STRA8: variants seen among roughly 807,000 people sequenced by gnomAD.
STRA8 encodes the protein stimulated by retinoic acid gene 8 protein homolog.
Under a neutral mutation model 37.1 loss-of-function variants are expected in STRA8, and 18 were observed. That is an observed-to-expected ratio of 0.48 (90% confidence interval 0.34 to 0.72). The LOEUF is 0.72. Among genes scored for constraint, STRA8 ranks in the 30% least tolerant of loss-of-function variants. The pLI, the probability that STRA8 is intolerant of heterozygous loss-of-function variation, is 0.01. For synonymous variants in STRA8, 168 were observed against 162.9 expected (o/e 1.03, Z -0.24); for missense variants, 357 against 410.4 (o/e 0.87, Z 1.13).
At chr7:135,245,257 A>C (rs1347809687) in intron 4 of STRA8, 31 bp from the exon 5 acceptor site, 1 of 780,812 alleles carries the variant, frequency 1.3e-6, no homozygotes, top group Non-Finnish European at 2.4e-6. Context: ...ATATTAATCT[A>C]TAGTTGTCTT....
chr7:135,233,293 C>T (rs1205920480), upstream of STRA8, among the ~76,000 whole-genome samples: 1 of 152,124 alleles, frequency 6.6e-6, no homozygotes, highest in East Asian at 1.9e-4. Context: ...TCCTCTATTT[C>T]TTCCTGCCTT....
chr7:135,242,769 G>C lies in STRA8; in HGVS notation c.193-12G>C. 1 of 1,614,022 alleles carries C rather than the reference G, an allele frequency of 6.2e-7. No individual in the cohort carries two copies. The highest frequency in any genetic ancestry group is 1.1e-5 in the South Asian group (1 of 91,068). ...GAGGCTGGCTTTCAGCATTGTCTCT[G>C]TCTATCCTCAGTGGCAGGTTCTGAA... On this transcript the variant is annotated splice_polypyrimidine_tract_variant and intron_variant, in intron 2 of 8. Transcript: ENST00000662584.
At position 135,255,208 on chromosome 7, in the gene STRA8, A is replaced by G. The variant is rs754376309; in HGVS notation, c.1048A>G (p.Asn350Asp). ...CTTTTTTAAAGGCCTTAGCTGTGCA[A>G]ACACTCAAGTAAAGCAGGTAGGATG... Reference protein sequence around the residue: ...INFFKGLSCANTQVKQEASFP... With the variant: ...INFFKGLSCADTQVKQEASFP... The change falls in exon 8 of 9, where the codon AAC (asparagine) becomes GAC (aspartate). Residue 350 changes from asparagine (N) to aspartate (D), a missense_variant. By Grantham distance (23) the Asn-to-Asp change is conservative (BLOSUM62 1). Coordinates refer to ENST00000662584, the MANE Select transcript of STRA8 (RefSeq NM_001394401.1). The G allele has an allele frequency of 1.9e-6, 3 of 1,613,712 alleles. No individual in the cohort carries two copies. The South Asian group carries it at 3.3e-5, about 18-fold the overall frequency.
At position 135,243,339 on chromosome 7, in the gene STRA8, G is replaced by A; in HGVS notation, c.282G>A (p.Leu94=). The A allele has an allele frequency of 6.2e-7, 1 of 1,614,126 alleles. No individual in the cohort carries two copies. The highest frequency in any genetic ancestry group is 1.3e-5 in the African/African-American group (1 of 75,040). ...NLLKLKASFN[L]EDGHASSLEE... ...ACTCCCCAATAGCATCCTTCAACCTGGAAGATGGGCATGCAAGCAGCTTAG... is the reference window on the plus strand; with the variant it reads ...ACTCCCCAATAGCATCCTTCAACCTAGAAGATGGGCATGCAAGCAGCTTAG... The change falls in exon 4 of 9, where the codon CTG becomes CTA. Residue 94 remains leucine, a synonymous_variant. Transcript: ENST00000662584.
At chr7:135,235,762 A>G (rs528259177) in intron 1 of STRA8, among the ~76,000 whole-genome samples, 79 of 152,326 alleles carry the variant, frequency 5.2e-4, no homozygotes, top group Admixed American at 1.0e-3. Context: ...TTTTAAAAAT[A>G]AAAACGTTCA....
intron 7 of STRA8, among the ~76,000 whole-genome samples, chr7:135,253,381 A>G (rs1321383897): frequency 6.6e-6 from 1 of 152,128 alleles, no homozygotes; most frequent in African/African-American, 2.4e-5. Flanking sequence ...AACACAATCC[A>G]TCGGTCTCTA....
At chr7:135,232,443 G>T (rs1356911559), upstream of STRA8, among the ~76,000 whole-genome samples, 1 of 151,940 alleles carries the variant, frequency 6.6e-6, no homozygotes, top group African/African-American at 2.4e-5. Flanking sequence ...GGAGTGAAAT[G>T]AACATTTTAA....
rs369751024 is a variant in STRA8, at chr7:135,245,432, A to G, written c.498A>G (p.Glu166=). The part of the protein sequence containing the change: ...EEEEEEEEEE[E]EEEEEEEEEE... ...AGGAAGAAGAAGAGGAGGAGGAGGA[A>G]GAGGAGGAAGAGGAAGAGGAGGAGG... The change falls in exon 5 of 9, where the codon GAA becomes GAG. Residue 166 remains glutamate (E), a synonymous_variant. Transcript: ENST00000662584. The G allele has an allele frequency of 2.4e-6, 1 of 424,544 alleles. No individual in the cohort carries two copies. Among genetic ancestry groups the G allele is most frequent in the Non-Finnish European group, 4.5e-6 (1 of 224,284 alleles). The allele number at this position is 424,544 out of a possible 1,614,324, so 26.3% of individuals were successfully genotyped here.
chr7:135,250,390 G>C (rs904120318), intron 6 of STRA8, among the ~76,000 whole-genome samples: 5 of 152,202 alleles, frequency 3.3e-5, no homozygotes, highest in African/African-American at 7.2e-5. Context: ...ATAGGCTTCA[G>C]AGCTGATGGA....
Position 135,238,450 on chromosome 7 carries a change from C to T in STRA8, c.-6-2069C>T, listed in dbSNP as rs145927740. ...AGCCATCCAGGAATTTCAGGCTGAG[C>T]GTGTTTGGGCAGAAGGGAGGACACC... On this transcript the variant is annotated intron_variant, in intron 1 of 8. Coordinates refer to ENST00000662584, the MANE Select transcript of STRA8 (RefSeq NM_001394401.1). Among the ~76,000 whole-genome samples the T allele has an allele frequency of 7.5e-4, 114 of 152,296 alleles. 3 individuals carry two copies. Among genetic ancestry groups the T allele is most frequent in the Middle Eastern group, 3.4e-3 (1 of 294 alleles).
chr7:135,235,688 C>T (rs940462542), intron 1 of STRA8, among the ~76,000 whole-genome samples: 3 of 152,158 alleles, frequency 2.0e-5, no homozygotes, highest in Non-Finnish European at 4.4e-5. Context: ...GTGATTCACC[C>T]GCCTTGGCCC....
intron 1 of STRA8, among the ~76,000 whole-genome samples, 72 bp downstream of exon 1, chr7:135,233,975 G>T (rs1007907378): frequency 6.6e-6 from 1 of 152,230 alleles, no homozygotes; most frequent in African/African-American, 2.4e-5. Context: ...AGACTTGAAA[G>T]AATTCAGTGC....
chr7:135,245,934 T>C (rs1396839565), intron 5 of STRA8, among the ~76,000 whole-genome samples: 1 of 152,160 alleles, frequency 6.6e-6, no homozygotes, highest in East Asian at 1.9e-4. Context: ...CAGACGTCCC[T>C]TGCCACTGCC....
chr7:135,246,196 T>G lies in STRA8; in HGVS notation c.594-221T>G, dbSNP rs1585474651. The G allele has an allele frequency of 1.8e-5, 11 of 605,702 alleles. No individual in the cohort carries two copies. 37.5% of individuals were successfully genotyped at this position (605,702 alleles called of 1,614,324 possible). A position where few individuals can be genotyped will look rare whatever the true frequency, so the allele number is the denominator to read the frequency against. Reference sequence around the variant, plus strand: ...TTCATGGGGCAGGGACTGGGAGAACTTGGGGAGGGGCCCCAAAGCCCAAGT... The same window carrying G: ...TTCATGGGGCAGGGACTGGGAGAACGTGGGGAGGGGCCCCAAAGCCCAAGT... On this transcript the variant is annotated intron_variant, in intron 5 of 8. Coordinates refer to ENST00000662584, the MANE Select transcript of STRA8 (RefSeq NM_001394401.1). The surrounding 1 kb of genome is among the most constrained non-coding windows in gnomAD (Gnocchi z 5.4).
intron 7 of STRA8, 74 bp downstream of exon 7, chr7:135,251,943 T>A (rs1832640788): frequency 7.1e-7 from 1 of 1,407,972 alleles, no homozygotes; most frequent in Non-Finnish European, 1.0e-6. Flanking sequence ...CAGGTGTGTA[T>A]GTGTGAGTTT....
In STRA8 at chr7:135,251,950, G is replaced by A. The variant is rs1832640925; in HGVS notation, c.953+81G>A. 6.0e-6 allele frequency: 8 copies of A among 1,326,180 alleles called. No homozygotes were observed. The Admixed American group carries it at 1.0e-4, about 17-fold the overall frequency. 82.2% of individuals were successfully genotyped at this position (1,326,180 alleles called of 1,614,324 possible). A position where few individuals can be genotyped will look rare whatever the true frequency, so the allele number is the denominator to read the frequency against. On this transcript the variant is annotated intron_variant, in intron 7 of 8. Transcript: ENST00000662584. ...TGTGTGCGCAGGTGTGTATGTGTGA[G>A]TTTGCATGTGCATGAATGTGGTAAG...
chr7:135,240,760 G>T, intron 2 of STRA8, 44 bp downstream of exon 2: 2 of 1,603,942 alleles, frequency 1.2e-6, no homozygotes, highest in Non-Finnish European at 8.5e-7. Flanking sequence ...CCACGGGGAA[G>T]GAGACGTTTT....
chr7:135,242,002 G>A (rs558667091), intron 2 of STRA8, among the ~76,000 whole-genome samples: 118 of 146,270 alleles, frequency 8.1e-4, no homozygotes, highest in African/African-American at 2.9e-3. Context: ...TTACCATTTT[G>A]ACTTTAATAA....
chr7:135,239,924 C>A (rs1195166351), intron 1 of STRA8, among the ~76,000 whole-genome samples: 1 of 151,984 alleles, frequency 6.6e-6, no homozygotes, highest in Non-Finnish European at 1.5e-5. Context: ...GAAAAATTCT[C>A]GAGTCTAAAG....
Sources: gnomAD v4.1 joint callset for allele counts (sites outside exome capture counted in the v4.1 genomes callset) on GRCh38, gnomAD v4.1.1 for gene constraint, Gnocchi (gnomAD v3.1) non-coding constraint, MANE v1.5 for transcripts, NCBI Gene and HGNC (gene_info 2026-07-23, HGNC 2026-07-21) for gene names.